MCTP2: variants seen among roughly 807,000 people sequenced by gnomAD.
MCTP2 encodes the protein multiple C2 and transmembrane domain containing 2.
Under a neutral mutation model 111.6 loss-of-function variants are expected in MCTP2, and 132 were observed. The observed-to-expected ratio is 1.18, with a 90% CI of 1.03 to 1.37. MCTP2 has a LOEUF of 1.37. Among genes scored for constraint, MCTP2 ranks in the 40% most tolerant of loss-of-function variants. The pLI is 0.00. For synonymous variants in MCTP2, 395 were observed against 387.7 expected (o/e 1.02, Z -0.22); for missense variants, 1,183 against 1,067.9 (o/e 1.11, Z -1.50).
chr15:94,321,372 A>G (rs1381012708), intron 4 of MCTP2, among the ~76,000 whole-genome samples: 2 of 152,376 alleles, frequency 1.3e-5, no homozygotes, highest in Non-Finnish European at 2.9e-5. Context: ...TTTGATCATT[A>G]CACATTGTAT....
rs184716635 is a variant in MCTP2, at chr15:94,453,691, T to A, written c.2251-4446T>A. Among the ~76,000 whole-genome samples, 428 of 152,270 alleles carry A rather than the reference T, an allele frequency of 2.8e-3. 3 individuals carry two copies. The highest frequency in any genetic ancestry group is 9.2e-3 in the African/African-American group (381 of 41,564). On this transcript the variant is annotated intron_variant, in intron 19 of 22. Coordinates refer to ENST00000357742, the MANE Select transcript of MCTP2 (RefSeq NM_001385001.1). Reference sequence around the variant, plus strand: ...CAGTATATAAATAAAAACACAAAGATTACATATTTAATGAATAATCATGTA... The same window carrying A: ...CAGTATATAAATAAAAACACAAAGAATACATATTTAATGAATAATCATGTA...
At chr15:94,365,215 T>C (rs2079123237) in intron 10 of MCTP2, among the ~76,000 whole-genome samples, 1 of 152,216 alleles carries the variant, frequency 6.6e-6, no homozygotes, top group South Asian at 2.1e-4. Flanking sequence ...ACTGAGAAAG[T>C]ACAAGTAAAT....
At chr15:94,424,105 C>T (rs1474565773) in intron 17 of MCTP2, among the ~76,000 whole-genome samples, 3 of 152,122 alleles carry the variant, frequency 2.0e-5, no homozygotes, top group Admixed American at 2.0e-4. Flanking sequence ...TCAATTTTGT[C>T]TGATTTCTGA....
At chr15:94,297,724 C>CGACAGA (rs1209082808) in intron 1 of MCTP2, among the ~76,000 whole-genome samples, 2 of 152,134 alleles carry the variant, frequency 1.3e-5, no homozygotes, top group Non-Finnish European at 2.9e-5. Context: ...TGAGTAGTAG[C>CGACAGA]GACAGACACC....
At chr15:94,272,717 A>C (rs1479441401) in intron 1 of MCTP2, among the ~76,000 whole-genome samples, 1 of 119,742 alleles carries the variant, frequency 8.4e-6, no homozygotes, top group African/African-American at 3.2e-5. Context: ...TATTTGTCAT[A>C]AGATAACACC....
At chr15:94,455,304 C>T (rs894958809) in intron 19 of MCTP2, among the ~76,000 whole-genome samples, 2 of 152,174 alleles carry the variant, frequency 1.3e-5, no homozygotes, top group African/African-American at 4.8e-5. Context: ...TATAAAAATA[C>T]AGTGCCTTTG....
chr15:94,297,909 A>C (rs1052480167), intron 1 of MCTP2, among the ~76,000 whole-genome samples: 11 of 151,690 alleles, frequency 7.3e-5, no homozygotes, highest in African/African-American at 2.4e-4. Context: ...GAAATAAGAC[A>C]GTTATCTCTT....
At chr15:94,312,836 T>C (rs757377455) in intron 2 of MCTP2, among the ~76,000 whole-genome samples, 1 of 152,176 alleles carries the variant, frequency 6.6e-6, no homozygotes, top group Non-Finnish European at 1.5e-5. Context: ...CTCCTCACCA[T>C]TTCTCGTGGG....
intron 22 of MCTP2, 55 bp downstream of exon 22, chr15:94,476,848 C>A: frequency 9.7e-7 from 1 of 1,027,850 alleles, no homozygotes; most frequent in Non-Finnish European, 1.5e-6. Context: ...TCTGGCCAGC[C>A]CCGGAGCCAG....
chr15:94,441,945 G>A (rs533442407), intron 18 of MCTP2, among the ~76,000 whole-genome samples: 5 of 152,276 alleles, frequency 3.3e-5, no homozygotes, highest in African/African-American at 1.2e-4. Flanking sequence ...GAGAATTCTA[G>A]GAGGTAGGGC....
At chr15:94,351,536 C>G (rs1450433778) in intron 8 of MCTP2, among the ~76,000 whole-genome samples, 2 of 152,112 alleles carry the variant, frequency 1.3e-5, no homozygotes, top group African/African-American at 2.4e-5. Flanking sequence ...TGACTACTTA[C>G]TTTCCCATAA....
At position 94,298,436 on chromosome 15, in the gene MCTP2, G is replaced by A; in HGVS notation, c.171G>A (p.Glu57=). 1 of 1,614,174 alleles carries A rather than the reference G, an allele frequency of 6.2e-7. No homozygotes were observed. The highest frequency in any genetic ancestry group is 8.5e-7 in the Non-Finnish European group (1 of 1,180,004). The stretch of plus-strand genomic sequence containing the variant: ...GCCTCTCTGTGCCTGATCTCCTGGA[G>A]GCTGAGGCCTTGGCCCCAGAGGGCC... ...RLSLSVPDLL[E]AEALAPEGRP... Residue 57 remains glutamate (E), a synonymous_variant, in exon 2 of 23, where the codon GAG becomes GAA. Transcript: ENST00000357742.
chr15:94,268,770 T>C (rs555041325), intron 1 of MCTP2, among the ~76,000 whole-genome samples: 3 of 138,250 alleles, frequency 2.2e-5, no homozygotes, highest in Non-Finnish European at 4.7e-5. Context: ...GTAACATTTC[T>C]ACATTGACTT....
chr15:94,407,675 A>G (rs1163979272), intron 17 of MCTP2, among the ~76,000 whole-genome samples: 1 of 152,086 alleles, frequency 6.6e-6, no homozygotes, highest in Non-Finnish European at 1.5e-5. Context: ...TAGCTTTTAG[A>G]GATCCTAGAA....
intron 18 of MCTP2, among the ~76,000 whole-genome samples, chr15:94,442,148 G>C (rs1160346944): frequency 6.6e-6 from 1 of 152,204 alleles, no homozygotes; most frequent in Non-Finnish European, 1.5e-5. Flanking sequence ...AAGTGTTCAA[G>C]CTGAAAATAG....
At chr15:94,373,314 C>T (rs1056887203) in intron 12 of MCTP2, among the ~76,000 whole-genome samples, 3 of 152,096 alleles carry the variant, frequency 2.0e-5, no homozygotes, top group African/African-American at 7.2e-5. Flanking sequence ...TATTTTAGAA[C>T]ATTAGAATAA....
intron 19 of MCTP2, among the ~76,000 whole-genome samples, chr15:94,454,828 TTTA>T (rs144656316): frequency 1.2e-3 from 182 of 152,280 alleles, no homozygotes; most frequent in African/African-American, 4.0e-3. Context: ...TTAGGTTATT[TTTA>T]TTATTATTAG....
intron 12 of MCTP2, among the ~76,000 whole-genome samples, chr15:94,377,905 G>C (rs1343564326): frequency 6.6e-6 from 1 of 152,218 alleles, no homozygotes; most frequent in South Asian, 2.1e-4. Context: ...CAATGTTCCA[G>C]GGCCCGCCCA....
chr15:94,269,170 G>T (rs1289940457), intron 1 of MCTP2, among the ~76,000 whole-genome samples: 1 of 152,120 alleles, frequency 6.6e-6, no homozygotes, highest in Non-Finnish European at 1.5e-5. Flanking sequence ...GACACACTGA[G>T]GTTGGTTAGT....
Sources: gnomAD v4.1 joint callset for allele counts (sites outside exome capture counted in the v4.1 genomes callset) on GRCh38, gnomAD v4.1.1 for gene constraint, MANE v1.5 for transcripts, NCBI Gene and HGNC (gene_info 2026-07-23, HGNC 2026-07-21) for gene names.